Variants in MOXD1 observed in about 807,000 individuals in gnomAD.
MOXD1 encodes the protein monooxygenase DBH like 1, also known as DBH-like monooxygenase protein 1.
In MOXD1, 62 loss-of-function variants were observed where a neutral mutation model predicts 66.6. The observed-to-expected ratio is 0.93, with a 90% confidence interval of 0.76 to 1.15. The LOEUF is 1.15. Among genes scored for constraint, MOXD1 ranks in the 50% most tolerant of loss-of-function variants. The probability of loss-of-function intolerance (pLI) is 0.00; values close to 1 mark genes in which losing one functional copy is unlikely to be tolerated. For synonymous variants in MOXD1, 303 were observed against 281.9 expected, an observed-to-expected ratio of 1.07 and a Z score of -0.75; for missense variants, 847 against 754.6, an observed-to-expected ratio of 1.12 and a Z score of -1.44.
At chr6:132,338,328 C>A (rs1006682172) in intron 4 of MOXD1, among the ~76,000 whole-genome samples, 1 of 152,212 alleles carries the variant, frequency 6.6e-6, no homozygotes, top group Non-Finnish European at 1.5e-5. Context: ...CTTTTCAGTG[C>A]ACCTACCACC....
intron 10 of MOXD1, 105 bp from the exon 11 acceptor site, chr6:132,298,060 C>T (rs1018027635): frequency 1.0e-6 from 1 of 954,746 alleles, no homozygotes; most frequent in Admixed American, 3.4e-5. Flanking sequence ...CATTTTCATA[C>T]ACATAGATAA....
chr6:132,388,748 G>A (rs1285689349), intron 1 of MOXD1, among the ~76,000 whole-genome samples: 1 of 151,366 alleles, frequency 6.6e-6, no homozygotes, highest in Non-Finnish European at 1.5e-5. Context: ...CTTTGGAGAA[G>A]AATACTTCTC....
chr6:132,380,065 A>T (rs1000509191), intron 1 of MOXD1, among the ~76,000 whole-genome samples: 1 of 151,944 alleles, frequency 6.6e-6, no homozygotes, highest in Non-Finnish European at 1.5e-5. Context: ...AGTTTTCTTT[A>T]ACTTCTTTCC....
intron 4 of MOXD1, among the ~76,000 whole-genome samples, chr6:132,346,539 G>T (rs1027552692): frequency 2.6e-5 from 4 of 152,120 alleles, no homozygotes; most frequent in Non-Finnish European, 5.9e-5. Context: ...GCTTCATGCA[G>T]AATTCTATGT....
rs9493296 is a variant in MOXD1, at chr6:132,368,716, T to C, written c.663+3892A>G. On this transcript the variant is annotated intron_variant, in intron 4 of 11. Transcript: ENST00000367963. ...AATAAATATTTTTAAATTTAGTCAT[T>C]CTTATCAAACTACTGATATATTTTC... Among the ~76,000 whole-genome samples the C allele has an allele frequency of 9.0e-3, 1,376 of 152,208 alleles. 25 individuals are homozygous for C. The highest frequency in any genetic ancestry group is 0.032 in the African/African-American group (1,314 of 41,554).
intron 4 of MOXD1, among the ~76,000 whole-genome samples, chr6:132,350,083 A>G (rs1006489289): frequency 6.6e-6 from 1 of 151,858 alleles, no homozygotes; most frequent in Admixed American, 6.6e-5. Flanking sequence ...TTGTCTGTTT[A>G]CTCTGCTGAC....
chr6:132,371,186 A>G lies in MOXD1; in HGVS notation c.663+1422T>C, dbSNP rs77675834. Among the ~76,000 whole-genome samples, 132 of 152,286 alleles carry G rather than the reference A, an allele frequency of 8.7e-4. 3 individuals carry two copies. In the East Asian group the frequency reaches 0.024, roughly 27 times the overall value. ...AAATTTACTGCAAATGACATACAGT[A>G]CATATAAATGAAACATTCTCTTTCC... On this transcript the variant is annotated intron_variant, in intron 4 of 11. Coordinates refer to ENST00000367963, the MANE Select transcript of MOXD1 (RefSeq NM_015529.4).
chr6:132,347,996 A>G (rs1775701302), intron 4 of MOXD1, among the ~76,000 whole-genome samples: 1 of 152,112 alleles, frequency 6.6e-6, no homozygotes, highest in South Asian at 2.1e-4. Context: ...AACTCAGGCT[A>G]TGGCTGCATT....
At chr6:132,319,732 G>GAAA (rs199561006) in intron 9 of MOXD1, among the ~76,000 whole-genome samples, 1 of 142,020 alleles carries the variant, frequency 7.0e-6, no homozygotes, top group African/African-American at 2.6e-5. Flanking sequence ...TTCCTAACTT[G>GAAA]AAAAAAAAAA....
intron 1 of MOXD1, among the ~76,000 whole-genome samples, chr6:132,398,831 C>T (rs926194901): frequency 1.3e-5 from 2 of 148,194 alleles, no homozygotes; most frequent in African/African-American, 5.0e-5. Flanking sequence ...CCCAGCTACT[C>T]GGGAGGCTGA....
chr6:132,325,858 C>T (rs1422075924), intron 6 of MOXD1, among the ~76,000 whole-genome samples: 2 of 152,174 alleles, frequency 1.3e-5, no homozygotes, highest in African/African-American at 4.8e-5. Context: ...ACACATCTAC[C>T]AGGGTTTCAA....
chr6:132,340,638 ATTTTTTTTT>A (rs869205496), intron 4 of MOXD1, among the ~76,000 whole-genome samples: 1 of 98,806 alleles, frequency 1.0e-5, no homozygotes, highest in Admixed American at 1.3e-4. Flanking sequence ...AACAAGACTC[ATTTTTTTTT>A]TTTTTTTTTT....
At chr6:132,348,466 C>T (rs967872333) in intron 4 of MOXD1, among the ~76,000 whole-genome samples, 1 of 152,178 alleles carries the variant, frequency 6.6e-6, no homozygotes, top group East Asian at 1.9e-4. Flanking sequence ...GGTCATTAGT[C>T]TTACAAGTCT....
intron 1 of MOXD1, among the ~76,000 whole-genome samples, chr6:132,380,916 C>T (rs567209765): frequency 1.4e-4 from 22 of 152,202 alleles, no homozygotes; most frequent in South Asian, 4.1e-4. Context: ...AGCCCCTACA[C>T]GCACATGAAT....
At chr6:132,380,432 A>G (rs575898859) in intron 1 of MOXD1, among the ~76,000 whole-genome samples, 5 of 150,778 alleles carry the variant, frequency 3.3e-5, no homozygotes, top group African/African-American at 9.8e-5. Context: ...CTATCCCCCT[A>G]CTCTCTTCAT....
chr6:132,336,269 T>A (rs534050021), intron 4 of MOXD1, among the ~76,000 whole-genome samples: 109 of 152,320 alleles, frequency 7.2e-4, no homozygotes, highest in Non-Finnish European at 1.1e-3. Context: ...CAGCTTTACA[T>A]ACCCACCTGA....
chr6:132,324,177 T>G, intron 6 of MOXD1, 80 bp from the exon 7 acceptor site: 3 of 1,408,650 alleles, frequency 2.1e-6, no homozygotes, highest in Non-Finnish European at 2.9e-6. Context: ...GGTTTGAATT[T>G]TTTAAAGTTT....
chr6:132,334,929 G>A (rs1775406550), intron 4 of MOXD1, among the ~76,000 whole-genome samples: 1 of 152,200 alleles, frequency 6.6e-6, no homozygotes, highest in South Asian at 2.1e-4. Flanking sequence ...AGAGTGGGAT[G>A]AGACATAGAG....
chr6:132,318,967 A>T (rs950246214), intron 9 of MOXD1, among the ~76,000 whole-genome samples: 3 of 151,978 alleles, frequency 2.0e-5, no homozygotes, highest in Admixed American at 2.0e-4. Flanking sequence ...CCAAGTTTCC[A>T]TCTGTAGAAT....
Sources: gnomAD v4.1 joint callset for allele counts (sites outside exome capture counted in the v4.1 genomes callset) on GRCh38, gnomAD v4.1.1 for gene constraint, MANE v1.5 for transcripts, NCBI Gene and HGNC (gene_info 2026-07-23, HGNC 2026-07-21) for gene names.